The following ACE variants were observed in gnomAD, a reference collection of about 807,000 sequenced individuals.
ACE encodes angiotensin-converting enzyme.
Under a neutral mutation model 162.3 loss-of-function variants are expected in ACE, and 122 were observed. The observed-to-expected ratio is 0.75, with a 90% CI of 0.65 to 0.87. The LOEUF is 0.87. Among genes scored for constraint, ACE ranks in the 40% least tolerant of loss-of-function variants. The pLI is 0.00. For missense variants in ACE, 1,799 were observed against 1,735.1 expected (o/e 1.04, Z -0.65); for synonymous variants, 796 against 720.6 (o/e 1.10, Z -1.68).
chr17:63,497,049 G>T, intron 24 of ACE, 64 bp downstream of exon 24: 1 of 1,587,580 alleles, frequency 6.3e-7, no homozygotes. Flanking sequence ...GGGCAGCCAT[G>T]CGGCTGACCT....
At chr17:63,479,121 C>G in intron 3 of ACE, 21 bp downstream of exon 3, 1 of 1,586,160 alleles carries the variant, frequency 6.3e-7, no homozygotes, top group South Asian at 1.1e-5. Flanking sequence ...TGCAGCTCCC[C>G]TCTCGGCGGT....
Position 63,484,236 on chromosome 17 carries a change from G to A in ACE, c.1710-94G>A, listed in dbSNP as rs866328001. 2.8e-5 allele frequency: 39 copies of A among 1,406,798 alleles called. No individual in the cohort carries two copies. In the South Asian group the frequency reaches 4.2e-4, roughly 15 times the overall value. 87.1% of individuals were successfully genotyped at this position (1,406,798 alleles called of 1,614,324 possible). ...TTGCCACAGTTTCTGCAGTCCATTG[G>A]GGGGCGGAAGTGGCCAGGGGCATGT... On this transcript the variant is annotated intron_variant, in intron 11 of 24. Coordinates refer to ENST00000290866, the MANE Select transcript of ACE (RefSeq NM_000789.4). The surrounding 1 kb of genome is among the most constrained non-coding windows in gnomAD (Gnocchi z 4.0).
intron 24 of ACE, 38 bp from the exon 25 acceptor site, chr17:63,497,099 C>A: frequency 1.3e-6 from 2 of 1,595,146 alleles, no homozygotes; most frequent in Non-Finnish European, 8.5e-7. Flanking sequence ...CCTGCCCTGC[C>A]CTGCCCTGCC....
rs376430907 is a variant in ACE at position 63,483,146 on chromosome 17, G to A, written c.1460G>A (p.Arg487His). The A allele has an allele frequency of 2.6e-5, 42 of 1,613,816 alleles. No individual in the cohort carries two copies. The highest frequency in any genetic ancestry group is 1.2e-4 in the African/African-American group (9 of 74,880). Residue 487 changes from arginine to histidine, a missense_variant, in exon 9 of 25, where the codon CGC becomes CAC. Arg to His is a conservative substitution (Grantham distance 29). Coordinates refer to ENST00000290866, the MANE Select transcript of ACE (RefSeq NM_000789.4). ...GVFSGRTPPSRYNFDWWYLRT... is the reference protein window; with the variant it reads ...GVFSGRTPPSHYNFDWWYLRT... ...TTTAGTGGGCGTACCCCCCCTTCCC[G>A]CTACAACTTCGACTGGTGGTATCTT...
chr17:63,477,277 G>C lies in ACE; in HGVS notation c.183G>C (p.Leu61=). The C allele has an allele frequency of 2.0e-6, 3 of 1,464,382 alleles. No homozygotes were observed. The highest frequency in any genetic ancestry group is 1.8e-6 in the Non-Finnish European group (2 of 1,104,678). 90.7% of individuals were successfully genotyped at this position (1,464,382 alleles called of 1,614,324 possible). A position where few individuals can be genotyped will look rare whatever the true frequency, so the allele number is the denominator to read the frequency against. The change falls in exon 1 of 25, where the codon CTG becomes CTC. Residue 61 remains leucine, a synonymous_variant. Coordinates refer to ENST00000290866, the MANE Select transcript of ACE (RefSeq NM_000789.4). The part of the protein sequence containing the change: ...QSYNSSAEQV[L]FQSVAASWAH... ...ACAACTCCAGCGCCGAACAGGTGCT[G>C]TTCCAGAGCGTGGCCGCCAGCTGGG...
chr17:63,477,371 G>T lies in ACE; in HGVS notation c.249+28G>T, dbSNP rs1315339577. The T allele has an allele frequency of 1.5e-5, 19 of 1,228,648 alleles. No individual in the cohort carries two copies. In the East Asian group the frequency reaches 6.3e-4, roughly 41 times the overall value. The allele number at this position is 1,228,648 out of a possible 1,614,324, so 76.1% of individuals were successfully genotyped here. A position where few individuals can be genotyped will look rare whatever the true frequency, so the allele number is the denominator to read the frequency against. ...GGGCGCCCGGGCCCGGGCGGGGGCGGGGCGGGGCCGCGGCGGCCAATCACA... is the reference window on the plus strand; with the variant it reads ...GGGCGCCCGGGCCCGGGCGGGGGCGTGGCGGGGCCGCGGCGGCCAATCACA... On this transcript the variant is annotated intron_variant, in intron 1 of 24. Coordinates refer to ENST00000290866, the MANE Select transcript of ACE (RefSeq NM_000789.4).
chr17:63,480,537 C>G lies in ACE; in HGVS notation c.847+9C>G. On this transcript the variant is annotated intron_variant, in intron 5 of 24. Coordinates refer to ENST00000290866, the MANE Select transcript of ACE (RefSeq NM_000789.4). Reference sequence around the variant, plus strand: ...CCCTGCTCATCTGCTGGGTAAGGACCTGGCCTCGCCTCCACATGAGTCCCA... The same window carrying G: ...CCCTGCTCATCTGCTGGGTAAGGACGTGGCCTCGCCTCCACATGAGTCCCA... 2 of 1,613,398 alleles carry G rather than the reference C, an allele frequency of 1.2e-6. No homozygotes were observed. The highest frequency in any genetic ancestry group is 1.7e-6 in the Non-Finnish European group (2 of 1,180,008).
At chr17:63,494,177 A>G (rs1195193378) in intron 21 of ACE, 111 bp downstream of exon 21, 14 of 1,419,738 alleles carry the variant, frequency 9.9e-6, no homozygotes, top group African/African-American at 7.1e-5. Context: ...TGTGTACACT[A>G]TTGTGTCTGT....
chr17:63,492,095 A>G (rs1254071694), intron 19 of ACE, among the ~76,000 whole-genome samples: 1 of 152,114 alleles, frequency 6.6e-6, no homozygotes, highest in Non-Finnish European at 1.5e-5. Flanking sequence ...CTTGGCTCAC[A>G]TGTTGGGTGC....
chr17:63,485,189 A>G (rs1168085403), intron 12 of ACE, 47 bp from the exon 13 acceptor site: 14 of 1,613,240 alleles, frequency 8.7e-6, no homozygotes, highest in Non-Finnish European at 1.1e-5. Flanking sequence ...ACAAACCTGG[A>G]GAGGGGAGGC....
In ACE at chr17:63,487,034, G is replaced by T. The variant is rs773578992; in HGVS notation, c.2266G>T (p.Val756Leu). 1.2e-6 allele frequency: 2 copies of T among 1,613,770 alleles called. No individual in the cohort carries two copies. Among genetic ancestry groups the T allele is most frequent in the Non-Finnish European group, 1.7e-6 (2 of 1,180,026 alleles). The change falls in exon 15 of 25, where the codon GTG (valine) becomes TTG (leucine). Residue 756 changes from valine to leucine, a missense_variant. Coordinates refer to ENST00000290866, the MANE Select transcript of ACE (RefSeq NM_000789.4). ...GGAAACCACCTACAGCGTGGCCACT[G>T]TGTGCCACCCGAATGGCAGCTGCCT... ...DMETTYSVAT[V>L]CHPNGSCLQL...
chr17:63,486,470 C>A (rs191758998), intron 13 of ACE, 87 bp from the exon 14 acceptor site: 2 of 1,488,012 alleles, frequency 1.3e-6, no homozygotes, highest in African/African-American at 1.4e-5. Flanking sequence ...CCACCACCTC[C>A]AGCCCTCAGC....
At position 63,484,013 on chromosome 17, in the gene ACE, G is replaced by A. The variant is rs538566282; in HGVS notation, c.1709+42G>A. On this transcript the variant is annotated intron_variant, in intron 11 of 24. Transcript: ENST00000290866. This position sits in a 1 kb window ranked among gnomAD's most constrained non-coding sequence, Gnocchi z 4.0. ...CGGGGGAAGTGGGAGGCAGAGAGGA[G>A]CGGCTGGCAAAGGGTGTGGCAGGAG... 3.5e-5 allele frequency: 56 copies of A among 1,579,432 alleles called. No homozygotes were observed. The highest frequency in any genetic ancestry group is 4.6e-5 in the Non-Finnish European group (53 of 1,164,078).
intron 23 of ACE, 115 bp downstream of exon 23, chr17:63,496,631 C>G: frequency 1.3e-6 from 2 of 1,596,980 alleles, no homozygotes; most frequent in Non-Finnish European, 1.7e-6. Context: ...GCCGGGAACT[C>G]CCACCTGCAG....
chr17:63,477,151 G>A lies in ACE; in HGVS notation c.57G>A (p.Leu19=), dbSNP rs1384710532. The change falls in exon 1 of 25, where the codon CTG becomes CTA. Residue 19 remains leucine (L), a synonymous_variant. Coordinates refer to ENST00000290866, the MANE Select transcript of ACE (RefSeq NM_000789.4). ...GPGLLLPLPL[L]LLLPPQPALA... is the part of the protein sequence containing the mutation. The stretch of plus-strand genomic sequence containing the variant: ...GGCTGCTGCTGCCGCTGCCGCTGCT[G>A]TTGCTGCTGCCGCCGCAGCCCGCCC... 2.1e-5 allele frequency: 31 copies of A among 1,445,934 alleles called. No homozygotes were observed. The highest frequency in any genetic ancestry group is 2.8e-5 in the Non-Finnish European group (31 of 1,100,534). 89.6% of individuals were successfully genotyped at this position (1,445,934 alleles called of 1,614,324 possible).
intron 1 of ACE, 60 bp from the exon 2 acceptor site, chr17:63,477,869 TCC>T: frequency 6.4e-7 from 1 of 1,556,376 alleles, no homozygotes; most frequent in South Asian, 1.2e-5. Context: ...CCGTGGCTTC[TCC>T]TTTATGGCCT....
Position 63,486,670 on chromosome 17 carries a change from T to A in ACE, c.2172T>A (p.Val724=). 1 of 1,614,178 alleles carries A rather than the reference T, an allele frequency of 6.2e-7. No individual in the cohort carries two copies. The highest frequency in any genetic ancestry group is 8.5e-7 in the Non-Finnish European group (1 of 1,180,018). ...NTTIKRIIKK[V]QDLERAALPA... is the part of the protein sequence containing the mutation. Reference sequence around the variant, plus strand: ...CTATCAAGCGGATCATAAAGAAGGTTCAGGACCTAGAACGGGCAGCACTGC... The same window carrying A: ...CTATCAAGCGGATCATAAAGAAGGTACAGGACCTAGAACGGGCAGCACTGC... Residue 724 remains valine, a synonymous_variant, in exon 14 of 25, where the codon GTT becomes GTA. Coordinates refer to ENST00000290866, the MANE Select transcript of ACE (RefSeq NM_000789.4).
chr17:63,482,589 C>G lies in ACE; in HGVS notation c.1242C>G (p.Pro414=). Residue 414 remains proline (P), a synonymous_variant, in exon 8 of 25, where the codon CCC becomes CCG. Transcript: ENST00000290866. ...TCTCCCTGCGTCGGGGGGCCAACCC[C>G]GGCTTCCATGAGGCCATTGGGGACG... ...LPVSLRRGAN[P]GFHEAIGDVL... 1 of 1,614,144 alleles carries G rather than the reference C, an allele frequency of 6.2e-7. No individual in the cohort carries two copies. The highest frequency in any genetic ancestry group is 8.5e-7 in the Non-Finnish European group (1 of 1,180,014).
intron 15 of ACE, among the ~76,000 whole-genome samples, chr17:63,487,717 C>T (rs1440175613): frequency 6.6e-6 from 1 of 152,174 alleles, no homozygotes; most frequent in Non-Finnish European, 1.5e-5. Context: ...CAGATACCTC[C>T]CAGCTCCCTC....
Sources: allele counts gnomAD v4.1 joint callset (sites outside exome capture counted in the v4.1 genomes callset), GRCh38; gene constraint gnomAD v4.1.1; non-coding constraint Gnocchi (gnomAD v3.1); transcripts MANE v1.5; gene names NCBI Gene and HGNC (gene_info 2026-07-23, HGNC 2026-07-21).